DRG1: variants seen among roughly 807,000 people sequenced by gnomAD.
DRG1 encodes developmentally-regulated GTP-binding protein 1.
DRG1 carries 19 observed loss-of-function variants against 38.8 expected under a neutral mutation model. That is an observed-to-expected ratio of 0.49 (90% CI 0.34 to 0.72). DRG1 has a LOEUF of 0.72. Ranked by LOEUF, DRG1 falls within the 30% of genes least tolerant of loss-of-function variation. The pLI is 0.01. For synonymous variants in DRG1, 167 were observed against 157.5 expected, an observed-to-expected ratio of 1.06 and a Z score of -0.45; for missense variants, 299 against 444.8, an observed-to-expected ratio of 0.67 and a Z score of 2.95.
At chr22:31,426,857 C>T in intron 7 of DRG1, 75 bp downstream of exon 7, 1 of 1,544,334 alleles carries the variant, frequency 6.5e-7, no homozygotes, top group Non-Finnish European at 8.7e-7. Context: ...TTCTGGAGCT[C>T]ATTAACAAAA....
intron 3 of DRG1, among the ~76,000 whole-genome samples, chr22:31,404,712 C>G (rs2049980405): frequency 1.3e-5 from 2 of 152,078 alleles, no homozygotes; most frequent in African/African-American, 2.4e-5. Flanking sequence ...ACCTCCGCCT[C>G]CAGGGTTCAA....
intron 4 of DRG1, among the ~76,000 whole-genome samples, chr22:31,414,734 A>T (rs1357957680): frequency 6.6e-6 from 1 of 151,232 alleles, no homozygotes. Flanking sequence ...AGGAAACTCT[A>T]CCAAAAGGTT....
chr22:31,422,509 G>A lies in DRG1; in HGVS notation c.583-771G>A, dbSNP rs551764799. Reference sequence around the variant, plus strand: ...AAGAGAGAGAAGGAAAACTGAAAGAGTTTGAAATACTGGAAGCCAAGTAAA... The same window carrying A: ...AAGAGAGAGAAGGAAAACTGAAAGAATTTGAAATACTGGAAGCCAAGTAAA... On this transcript the variant is annotated intron_variant, in intron 5 of 8. Transcript: ENST00000331457. 2.2e-4 allele frequency among the ~76,000 whole-genome samples: 34 copies of A among 152,266 alleles called. 1 individual carries two copies. In the East Asian group the frequency reaches 6.6e-3, roughly 29 times the overall value.
At chr22:31,420,591 A>G (rs2050071507) in intron 5 of DRG1, among the ~76,000 whole-genome samples, 166 bp downstream of exon 5, 1 of 152,198 alleles carries the variant, frequency 6.6e-6, no homozygotes, top group African/African-American at 2.4e-5. Flanking sequence ...CAAGATTAGG[A>G]TAGGAGCCAG....
At chr22:31,401,912 A>G (rs1372854410) in intron 2 of DRG1, among the ~76,000 whole-genome samples, 1 of 152,078 alleles carries the variant, frequency 6.6e-6, no homozygotes, top group East Asian at 1.9e-4. Flanking sequence ...TTAGCTGGGC[A>G]TGGTAGCACG....
At position 31,433,862 on chromosome 22, in the gene DRG1, T is replaced by C; in HGVS notation, c.1005-10T>C. The C allele has an allele frequency of 1.9e-6, 3 of 1,613,310 alleles. No homozygotes were observed. The highest frequency in any genetic ancestry group is 1.7e-6 in the Non-Finnish European group (2 of 1,179,276). On this transcript the variant is annotated splice_polypyrimidine_tract_variant and intron_variant, in intron 8 of 8. Coordinates refer to ENST00000331457, the MANE Select transcript of DRG1 (RefSeq NM_004147.4). ...ATTTACACTGACTGTTCTTTTTCCC[T>C]TCCATGCAGTGCTCTGGTCTGGGGT...
chr22:31,426,573 A>G (rs1569051299), intron 6 of DRG1, 42 bp from the exon 7 acceptor site: 2 of 1,554,748 alleles, frequency 1.3e-6, no homozygotes, highest in South Asian at 1.2e-5. Context: ...AGTTCTGTCA[A>G]CAACTCCAGA....
rs775733468 is a variant in DRG1, at chr22:31,434,007, A to C, written c.*36A>C. On this transcript the variant is annotated 3_prime_UTR_variant, in exon 9 of 9. Transcript: ENST00000331457. ...TTTTCCCATCTGCCGGACGAACCAC[A>C]ACAGCGTTCCCCATGATCAAGCACC... is the stretch of plus-strand genomic sequence containing the variant. The C allele has an allele frequency of 1.3e-6, 2 of 1,590,664 alleles. No individual in the cohort carries two copies. The highest frequency in any genetic ancestry group is 1.7e-6 in the Non-Finnish European group (2 of 1,160,364).
intron 8 of DRG1, among the ~76,000 whole-genome samples, chr22:31,431,035 C>CTTTTT (rs1365360511): frequency 7.4e-4 from 42 of 56,682 alleles, no homozygotes; most frequent in African/African-American, 2.7e-3. Flanking sequence ...CCCCCCCCCG[C>CTTTTT]TTTTTTTTTT....
intron 8 of DRG1, among the ~76,000 whole-genome samples, chr22:31,431,802 A>T (rs974769026): frequency 1.3e-5 from 2 of 152,334 alleles, no homozygotes; most frequent in Admixed American, 6.5e-5. Flanking sequence ...TTTCCACCAC[A>T]GTCAAAACAT....
At chr22:31,403,783 CT>C (rs1203326532) in intron 3 of DRG1, among the ~76,000 whole-genome samples, 5 of 151,962 alleles carry the variant, frequency 3.3e-5, no homozygotes, top group Non-Finnish European at 7.4e-5. Context: ...GCCCGGCCCC[CT>C]GGTTGTATTT....
chr22:31,418,330 A>T (rs527313810), intron 4 of DRG1, among the ~76,000 whole-genome samples: 48 of 152,058 alleles, frequency 3.2e-4, no homozygotes, highest in Non-Finnish European at 5.3e-4. Context: ...CATGGCACAC[A>T]TGTGTAGTCC....
At chr22:31,426,890 A>G (rs2050114237) in intron 7 of DRG1, 108 bp downstream of exon 7, 4 of 1,505,284 alleles carry the variant, frequency 2.7e-6, no homozygotes, top group Admixed American at 2.1e-5. Context: ...TGAAAATATA[A>G]GTAAATTGGT....
At chr22:31,420,132 G>T (rs568167178) in intron 4 of DRG1, 124 bp from the exon 5 acceptor site, 1 of 1,009,008 alleles carries the variant, frequency 9.9e-7, no homozygotes, top group Admixed American at 2.6e-5. Flanking sequence ...ACGTATGCAT[G>T]TATGTATTAC....
At chr22:31,431,684 G>C (rs1033365988) in intron 8 of DRG1, among the ~76,000 whole-genome samples, 1 of 151,990 alleles carries the variant, frequency 6.6e-6, no homozygotes, top group Non-Finnish European at 1.5e-5. Flanking sequence ...ACCAACCAAA[G>C]AAAGAAAAAA....
intron 1 of DRG1, 146 bp downstream of exon 1, chr22:31,399,871 C>T: frequency 8.5e-7 from 1 of 1,180,632 alleles, no homozygotes; most frequent in Non-Finnish European, 1.2e-6. Context: ...CGACTGCCCT[C>T]TGCCACGATT....
chr22:31,432,442 T>C (rs74759870), intron 8 of DRG1, among the ~76,000 whole-genome samples: 13 of 150,712 alleles, frequency 8.6e-5, no homozygotes, highest in Non-Finnish European at 1.2e-4. Flanking sequence ...TTTTTTTTTT[T>C]TGAGACTGAG....
At chr22:31,410,620 C>G (rs981561261) in intron 3 of DRG1, among the ~76,000 whole-genome samples, 3 of 152,132 alleles carry the variant, frequency 2.0e-5, no homozygotes, top group African/African-American at 7.2e-5. Flanking sequence ...TGAGACCAGC[C>G]TGGCCAACAT....
At chr22:31,401,152 C>T (rs1012174310) in intron 2 of DRG1, among the ~76,000 whole-genome samples, 15 of 151,322 alleles carry the variant, frequency 9.9e-5, no homozygotes, top group Non-Finnish European at 1.3e-4. Context: ...GGTGCAGTGG[C>T]TCACCCTTGT....
Sources: gnomAD v4.1 joint callset for allele counts (sites outside exome capture counted in the v4.1 genomes callset) on GRCh38, gnomAD v4.1.1 for gene constraint, MANE v1.5 for transcripts, NCBI Gene and HGNC (gene_info 2026-07-23, HGNC 2026-07-21) for gene names.